PPIP5K2: variants seen among roughly 807,000 people sequenced by gnomAD.
PPIP5K2 encodes diphosphoinositol pentakisphosphate kinase 2, also known as inositol hexakisphosphate and diphosphoinositol-pentakisphosphate kinase 2.
PPIP5K2 carries 105 observed loss-of-function variants against 154.6 expected under a neutral mutation model. The ratio of observed to expected loss-of-function variants is 0.68; its 90% CI spans 0.58 to 0.80. The LOEUF (loss-of-function observed/expected upper bound fraction) is 0.80. Among genes scored for constraint, PPIP5K2 ranks in the 30% least tolerant of loss-of-function variants. The probability of loss-of-function intolerance (pLI) is 0.00; values close to 1 mark genes in which losing one functional copy is unlikely to be tolerated. For synonymous variants in PPIP5K2, 480 were observed against 490.3 expected, an observed-to-expected ratio of 0.98 and a Z score of 0.28; for missense variants, 992 against 1,504.6, an observed-to-expected ratio of 0.66 and a Z score of 5.64.
chr5:103,173,535 GC>G (rs1554220067), intron 20 of PPIP5K2, among the ~76,000 whole-genome samples: 1 of 151,948 alleles, frequency 6.6e-6, no homozygotes, highest in Non-Finnish European at 1.5e-5. Flanking sequence ...ACCCCATTTA[GC>G]AGCATTAATG....
At chr5:103,129,035 C>G (rs1374015216) in intron 1 of PPIP5K2, among the ~76,000 whole-genome samples, 5 of 151,900 alleles carry the variant, frequency 3.3e-5, no homozygotes, top group Non-Finnish European at 2.9e-5. Flanking sequence ...ATTAGTTTAG[C>G]TATTTTGGGA....
chr5:103,196,143 G>A (rs1440723844), intron 30 of PPIP5K2, among the ~76,000 whole-genome samples: 1 of 152,018 alleles, frequency 6.6e-6, no homozygotes, highest in Non-Finnish European at 1.5e-5. Context: ...AATTCCCTTA[G>A]CATTCATGCC....
At chr5:103,183,592 A>T (rs547576092) in intron 25 of PPIP5K2, among the ~76,000 whole-genome samples, 185 bp downstream of exon 25, 1 of 152,178 alleles carries the variant, frequency 6.6e-6, no homozygotes, top group East Asian at 1.9e-4. Flanking sequence ...AATCACTTAC[A>T]TGGCATGTGT....
intron 4 of PPIP5K2, among the ~76,000 whole-genome samples, chr5:103,137,228 T>A (rs1791666662): frequency 6.6e-6 from 1 of 150,992 alleles, no homozygotes; most frequent in Admixed American, 6.6e-5. Context: ...AGTGGCGGGA[T>A]CTCAGCTCAC....
Position 103,155,860 on chromosome 5 carries a change from A to G in PPIP5K2, c.1404-49A>G, listed in dbSNP as rs1554213108. 3.4e-6 allele frequency: 4 copies of G among 1,190,218 alleles called. No individual in the cohort carries two copies. In the East Asian group the frequency reaches 9.4e-5, roughly 28 times the overall value. 73.7% of individuals were successfully genotyped at this position (1,190,218 alleles called of 1,614,324 possible). A position where few individuals can be genotyped will look rare whatever the true frequency, so the allele number is the denominator to read the frequency against. On this transcript the variant is annotated intron_variant, in intron 13 of 30. Transcript: ENST00000358359. ...TAAAAGGGAGCATGAATATGTGAGA[A>G]TTAGTTTTTCCCTACATGTTCTATT...
At chr5:103,173,356 A>G in intron 20 of PPIP5K2, 74 bp downstream of exon 20, 3 of 1,489,328 alleles carry the variant, frequency 2.0e-6, no homozygotes, top group South Asian at 2.6e-5. Flanking sequence ...TTATACTTTG[A>G]TGGTCCTATG....
In PPIP5K2 at chr5:103,206,064, T is replaced by G. The variant is rs1308499495; in HGVS notation, c.*4430T>G. On this transcript the variant is annotated 3_prime_UTR_variant, in exon 31 of 31. Coordinates refer to ENST00000358359, the MANE Select transcript of PPIP5K2 (RefSeq NM_001276277.3). ...TGCTTTTTTTATTGCTTTAAAATTC[T>G]TTTGTCTTTCTGTAACAATACTTTC... 6.6e-6 allele frequency: 1 copy of G among 152,254 alleles called. No individual in the cohort carries two copies. The highest frequency in any genetic ancestry group is 1.5e-5 in the Non-Finnish European group (1 of 68,044). 9.4% of individuals were successfully genotyped at this position (152,254 alleles called of 1,614,324 possible). A position where few individuals can be genotyped will look rare whatever the true frequency, so the allele number is the denominator to read the frequency against.
chr5:103,178,595 T>C (rs1333151637), intron 23 of PPIP5K2, among the ~76,000 whole-genome samples: 4 of 151,640 alleles, frequency 2.6e-5, no homozygotes, highest in African/African-American at 9.7e-5. Flanking sequence ...ATATAAATTT[T>C]ATAATCATTT....
chr5:103,191,096 C>A, intron 29 of PPIP5K2, 114 bp downstream of exon 29: 1 of 942,632 alleles, frequency 1.1e-6, no homozygotes, highest in Non-Finnish European at 1.6e-6. Flanking sequence ...AGTAGGAGTA[C>A]AAAGGGGAGT....
intron 6 of PPIP5K2, 58 bp from the exon 7 acceptor site, chr5:103,147,873 C>A: frequency 1.0e-6 from 1 of 969,842 alleles, no homozygotes; most frequent in South Asian, 1.5e-5. Flanking sequence ...GTCATTTTAT[C>A]ATAAAAATGA....
intron 28 of PPIP5K2, among the ~76,000 whole-genome samples, chr5:103,189,614 G>A (rs1554226259): frequency 6.6e-6 from 1 of 151,946 alleles, no homozygotes; most frequent in African/African-American, 2.4e-5. Context: ...TTTTGTTTTT[G>A]TTTTTAAAGT....
chr5:103,198,783 T>C (rs1273983171), intron 30 of PPIP5K2, among the ~76,000 whole-genome samples: 9 of 152,172 alleles, frequency 5.9e-5, no homozygotes, highest in African/African-American at 2.2e-4. Context: ...TAACATTTAA[T>C]GTAATTGTTG....
At position 103,172,125 on chromosome 5, in the gene PPIP5K2, A is replaced by T. The variant is rs538137428; in HGVS notation, c.2287-1030A>T. Among the ~76,000 whole-genome samples the T allele has an allele frequency of 1.3e-4, 19 of 151,418 alleles. No individual in the cohort carries two copies. The South Asian group carries it at 1.9e-3, about 15-fold the overall frequency. ...CTCACATCTTGCTAATAACAAATTT[A>T]AAAAAAAATTATTTCCCTGATGATT... On this transcript the variant is annotated intron_variant, in intron 19 of 30. Coordinates refer to ENST00000358359, the MANE Select transcript of PPIP5K2 (RefSeq NM_001276277.3).
chr5:103,130,701 A>G (rs1790472211), intron 2 of PPIP5K2, among the ~76,000 whole-genome samples: 1 of 152,140 alleles, frequency 6.6e-6, no homozygotes, highest in African/African-American at 2.4e-5. Context: ...CTTCATCTGA[A>G]GTTTTATCTA....
intron 19 of PPIP5K2, among the ~76,000 whole-genome samples, chr5:103,169,833 T>G (rs1433751698): frequency 2.6e-5 from 4 of 151,702 alleles, no homozygotes; most frequent in African/African-American, 9.7e-5. Context: ...TGTTTTGGTT[T>G]TGTAAGTATG....
At chr5:103,128,209 A>T (rs908886983) in intron 1 of PPIP5K2, among the ~76,000 whole-genome samples, 9 of 152,042 alleles carry the variant, frequency 5.9e-5, no homozygotes, top group Non-Finnish European at 1.2e-4. Context: ...TACCTAGCAT[A>T]TTGTTTGACT....
At position 103,202,548 on chromosome 5, in the gene PPIP5K2, A is replaced by G. The variant is rs1187804275; in HGVS notation, c.*914A>G. 6.6e-6 allele frequency: 1 copy of G among 152,170 alleles called. No homozygotes were observed. Among genetic ancestry groups the G allele is most frequent in the Non-Finnish European group, 1.5e-5 (1 of 68,014 alleles). 9.4% of individuals were successfully genotyped at this position (152,170 alleles called of 1,614,324 possible). ...TTATGTATAGCATCTGTTTTTAACC[A>G]TTTCCATTCTTATCCCTAGTGTATC... On this transcript the variant is annotated 3_prime_UTR_variant, in exon 31 of 31. Coordinates refer to ENST00000358359, the MANE Select transcript of PPIP5K2 (RefSeq NM_001276277.3).
chr5:103,130,599 A>T (rs1205433034), intron 2 of PPIP5K2, among the ~76,000 whole-genome samples: 1 of 152,182 alleles, frequency 6.6e-6, no homozygotes, highest in Non-Finnish European at 1.5e-5. Flanking sequence ...CTGTTAACTC[A>T]TTTAAAACCT....
At position 103,195,019 on chromosome 5, in the gene PPIP5K2, A is replaced by G. The variant is rs906849473; in HGVS notation, c.3613A>G (p.Lys1205Glu). The change falls in exon 30 of 31, where the codon AAA (lysine) becomes GAA (glutamate). Residue 1205 changes from lysine to glutamate, a missense_variant. Physicochemically the swap from Lys to Glu is moderately conservative, Grantham distance 56. Around this residue, in one of 9 missense-constraint regions of PPIP5K2, gnomAD observed 131 missense variants for 117.8 expected, o/e 1.11. Coordinates refer to ENST00000358359, the MANE Select transcript of PPIP5K2 (RefSeq NM_001276277.3). ...ATLKSTKASS[K>E]PATSGPSSAV... The stretch of plus-strand genomic sequence containing the variant: ...CTTAAAGAGCACTAAAGCAAGCAGC[A>G]AACCAGGTAAGGGGTGTGTGTGTTG... The G allele has an allele frequency of 1.2e-6, 2 of 1,613,768 alleles. No individual in the cohort carries two copies. The highest frequency in any genetic ancestry group is 1.7e-6 in the Non-Finnish European group (2 of 1,179,804).
Sources: allele counts gnomAD v4.1 joint callset (sites outside exome capture counted in the v4.1 genomes callset), GRCh38; gene constraint gnomAD v4.1.1; regional missense constraint gnomAD v4.1.1; transcripts MANE v1.5; gene names NCBI Gene and HGNC (gene_info 2026-07-23, HGNC 2026-07-21).